The following ATF6 variants were observed in gnomAD, a reference collection of about 807,000 sequenced individuals.
ATF6 encodes activating transcription factor 6.
A neutral mutation model predicts 83.6 loss-of-function variants in ATF6; 53 were observed. The ratio of observed to expected loss-of-function variants is 0.63; its 90% CI spans 0.51 to 0.80. ATF6 has a LOEUF of 0.80. Among genes scored for constraint, ATF6 ranks in the 30% least tolerant of loss-of-function variants. ATF6 has a pLI of 0.00. For synonymous variants in ATF6, 288 were observed against 285.8 expected (o/e 1.01, Z -0.08); for missense variants, 744 against 797.9 (o/e 0.93, Z 0.81).
chr1:161,788,158 G>A (rs1230174010), intron 4 of ATF6, among the ~76,000 whole-genome samples: 1 of 152,182 alleles, frequency 6.6e-6, no homozygotes, highest in African/African-American at 2.4e-5. Context: ...GATCATCATA[G>A]TACTCTGTGG....
At chr1:161,953,173 G>T (rs867634632) in intron 15 of ATF6, among the ~76,000 whole-genome samples, 1 of 152,070 alleles carries the variant, frequency 6.6e-6, no homozygotes, top group Non-Finnish European at 1.5e-5. Context: ...TCATGTAAAA[G>T]TACTTTATAT....
intron 14 of ATF6, among the ~76,000 whole-genome samples, chr1:161,890,022 C>T (rs1571216638): frequency 6.6e-6 from 1 of 152,312 alleles, no homozygotes; most frequent in East Asian, 1.9e-4. Flanking sequence ...TGTTTCTTTA[C>T]ACACATACAA....
intron 9 of ATF6, among the ~76,000 whole-genome samples, chr1:161,825,845 G>T (rs2101792163): frequency 6.6e-6 from 1 of 152,206 alleles, no homozygotes. Flanking sequence ...TGAGGGATGG[G>T]ACTGAAAATC....
intron 15 of ATF6, among the ~76,000 whole-genome samples, chr1:161,956,279 T>G (rs1417533898): frequency 6.6e-6 from 1 of 152,116 alleles, no homozygotes; most frequent in African/African-American, 2.4e-5. Flanking sequence ...TCTTCCACAG[T>G]GCATGCGCAT....
chr1:161,886,947 G>A (rs1687433553), intron 14 of ATF6, among the ~76,000 whole-genome samples: 1 of 152,210 alleles, frequency 6.6e-6, no homozygotes, highest in South Asian at 2.1e-4. Context: ...TCGACAAAGA[G>A]ACATTGCAGC....
At chr1:161,788,954 T>C (rs6698956) in intron 4 of ATF6, among the ~76,000 whole-genome samples, 21,299 of 152,106 alleles carry the variant, frequency 0.14, 2,145 homozygotes, top group African/African-American at 0.28. Context: ...TAATTGTTAT[T>C]GCTATTGTGA....
intron 7 of ATF6, among the ~76,000 whole-genome samples, chr1:161,807,863 ATCTTTTTTTTT>A (rs1290401906): frequency 0.011 from 600 of 54,768 alleles, 13 homozygotes; most frequent in Non-Finnish European, 0.015. Flanking sequence ...TTAGTTTGTC[ATCTTTTTTTTT>A]TTTTTTTTTT....
intron 14 of ATF6, among the ~76,000 whole-genome samples, chr1:161,871,762 C>T (rs940050087): frequency 6.6e-6 from 1 of 151,658 alleles, no homozygotes; most frequent in African/African-American, 2.4e-5. Flanking sequence ...CTCTCATCTT[C>T]AGTTTCCTTA....
intron 7 of ATF6, among the ~76,000 whole-genome samples, chr1:161,816,754 TTACA>T (rs1685622669): frequency 6.6e-6 from 1 of 152,192 alleles, no homozygotes; most frequent in Non-Finnish European, 1.5e-5. Context: ...CCAAACAGAA[TTACA>T]TACAGTGTAA....
intron 15 of ATF6, among the ~76,000 whole-genome samples, chr1:161,940,006 G>A (rs781063300): frequency 2.0e-5 from 3 of 152,126 alleles, no homozygotes; most frequent in Non-Finnish European, 4.4e-5. Context: ...GCTATTTCCT[G>A]AGTTCAGGAC....
chr1:161,890,046 A>C (rs908177974), intron 14 of ATF6, among the ~76,000 whole-genome samples: 1 of 152,184 alleles, frequency 6.6e-6, no homozygotes, highest in South Asian at 2.1e-4. Context: ...ATTTTTGTGA[A>C]CTCTCTGAGA....
chr1:161,814,002 A>T (rs1189771907), intron 7 of ATF6, among the ~76,000 whole-genome samples: 9 of 151,406 alleles, frequency 5.9e-5, no homozygotes, highest in Admixed American at 1.3e-4. Context: ...CTCCTGCCTC[A>T]GCCTCCCGAG....
At chr1:161,773,190 CA>C (rs1366774161) in intron 1 of ATF6, among the ~76,000 whole-genome samples, 1 of 150,728 alleles carries the variant, frequency 6.6e-6, no homozygotes, top group Non-Finnish European at 1.5e-5. Flanking sequence ...GGCTGGAGTG[CA>C]GTGGCTCACT....
intron 6 of ATF6, among the ~76,000 whole-genome samples, chr1:161,793,279 G>A (rs1480733135): frequency 6.6e-6 from 1 of 152,136 alleles, no homozygotes; most frequent in Non-Finnish European, 1.5e-5. Flanking sequence ...ACCTAGATGA[G>A]AGAATGGATG....
chr1:161,918,373 A>G (rs1688142035), intron 15 of ATF6, among the ~76,000 whole-genome samples: 1 of 152,214 alleles, frequency 6.6e-6, no homozygotes, highest in African/African-American at 2.4e-5. Flanking sequence ...TTTGGACTTC[A>G]GAGTGAATTG....
intron 15 of ATF6, 72 bp downstream of exon 15, chr1:161,912,452 A>C: frequency 1.0e-6 from 1 of 1,000,862 alleles, no homozygotes; most frequent in Non-Finnish European, 1.5e-6. Flanking sequence ...CATTAGTTCA[A>C]AGACATTTAA....
chr1:161,920,292 C>CTTTTTTTTTT (rs1322896918), intron 15 of ATF6, among the ~76,000 whole-genome samples: 62 of 19,788 alleles, frequency 3.1e-3, no homozygotes, highest in African/African-American at 0.01. Flanking sequence ...CTCTCTCTCT[C>CTTTTTTTTTT]TCTTTTTTTT....
chr1:161,770,861 A>G (rs924483370), intron 1 of ATF6, among the ~76,000 whole-genome samples: 3 of 152,156 alleles, frequency 2.0e-5, no homozygotes, highest in African/African-American at 7.2e-5. Flanking sequence ...CAATTGCTGG[A>G]TTGTGTGGTA....
chr1:161,813,872 A>G (rs1233771537), intron 7 of ATF6, among the ~76,000 whole-genome samples: 2 of 151,486 alleles, frequency 1.3e-5, no homozygotes, highest in African/African-American at 2.4e-5. Flanking sequence ...AGTTGCATCA[A>G]GTATTTCTTT....
Sources: allele counts gnomAD v4.1 joint callset (sites outside exome capture counted in the v4.1 genomes callset), GRCh38; gene constraint gnomAD v4.1.1; transcripts MANE v1.5; gene names NCBI Gene and HGNC (gene_info 2026-07-23, HGNC 2026-07-21).